Variants in GRM7 observed in about 807,000 individuals in gnomAD.
GRM7 encodes glutamate metabotropic receptor 7.
In GRM7, 35 loss-of-function variants were observed where a neutral mutation model predicts 84.5. That is an observed-to-expected ratio of 0.41 (90% CI 0.32 to 0.55). The LOEUF is 0.55. Ranked by LOEUF, GRM7 falls within the 20% of genes least tolerant of loss-of-function variation. GRM7 has a pLI of 0.19. For missense variants in GRM7, 1,003 were observed against 1,194.6 expected (o/e 0.84, Z 2.36); for synonymous variants, 487 against 455.1 (o/e 1.07, Z -0.89).
chr3:7,580,459 T>C (rs1256669292), intron 8 of GRM7, among the ~76,000 whole-genome samples: 1 of 152,180 alleles, frequency 6.6e-6, no homozygotes, highest in Non-Finnish European at 1.5e-5. Context: ...GTCTAAAAAT[T>C]TACAACAGCC....
chr3:7,636,930 A>G (rs3804857), intron 8 of GRM7, among the ~76,000 whole-genome samples: 27,009 of 152,144 alleles, frequency 0.18, 2,564 homozygotes, highest in African/African-American at 0.21. Context: ...ATAAGATGCA[A>G]TTATTTCCTC....
chr3:6,866,340 CT>C (rs530149022), intron 1 of GRM7, among the ~76,000 whole-genome samples: 453 of 144,088 alleles, frequency 3.1e-3, no homozygotes, highest in South Asian at 6.8e-3. Context: ...GCCTTATCTG[CT>C]TTTTTTTTTT....
chr3:7,647,201 G>A (rs1183280290), intron 8 of GRM7, among the ~76,000 whole-genome samples: 1 of 152,198 alleles, frequency 6.6e-6, no homozygotes, highest in East Asian at 1.9e-4. Context: ...TTTTCCTCAT[G>A]CTTCCGAGCC....
intron 5 of GRM7, among the ~76,000 whole-genome samples, chr3:7,426,406 C>T (rs897835341): frequency 9.9e-5 from 15 of 152,152 alleles, no homozygotes; most frequent in African/African-American, 3.1e-4. Flanking sequence ...TCCTGGGACT[C>T]TGATGTTCTA....
chr3:7,698,657 C>A (rs1322999720), intron 9 of GRM7, among the ~76,000 whole-genome samples: 2 of 152,144 alleles, frequency 1.3e-5, no homozygotes, highest in Non-Finnish European at 2.9e-5. Flanking sequence ...TGGGCCTGGA[C>A]AATTCTTGTT....
intron 1 of GRM7, among the ~76,000 whole-genome samples, chr3:6,977,198 A>G (rs1362406376): frequency 1.3e-5 from 2 of 152,184 alleles, no homozygotes; most frequent in Non-Finnish European, 2.9e-5. Context: ...GCCATTTGCC[A>G]CTTTAGTTGG....
At chr3:7,405,797 C>T (rs939494820) in intron 4 of GRM7, among the ~76,000 whole-genome samples, 11 of 151,904 alleles carry the variant, frequency 7.2e-5, no homozygotes, top group Admixed American at 5.3e-4. Context: ...AATTAAAAAA[C>T]GTGAATGAGC....
chr3:7,074,565 T>C (rs1045459949), intron 1 of GRM7, among the ~76,000 whole-genome samples: 2 of 135,506 alleles, frequency 1.5e-5, no homozygotes, highest in Non-Finnish European at 1.6e-5. Context: ...AATTTGATAG[T>C]ATTTTTTTCT....
At chr3:6,948,198 GT>G (rs1698164928) in intron 1 of GRM7, among the ~76,000 whole-genome samples, 2 of 151,782 alleles carry the variant, frequency 1.3e-5, no homozygotes, top group South Asian at 4.2e-4. Flanking sequence ...ATTTAGTGCT[GT>G]AAATTTCCCT....
chr3:7,590,723 GTTC>G (rs1160748630), intron 8 of GRM7, among the ~76,000 whole-genome samples: 1 of 152,074 alleles, frequency 6.6e-6, no homozygotes, highest in Non-Finnish European at 1.5e-5. Context: ...TCCATGCTGT[GTTC>G]TTCTCACCAC....
At chr3:7,220,830 G>A (rs1696776798) in intron 2 of GRM7, among the ~76,000 whole-genome samples, 1 of 152,142 alleles carries the variant, frequency 6.6e-6, no homozygotes, top group Non-Finnish European at 1.5e-5. Context: ...TTGGTACGGT[G>A]GCTCACACTT....
At chr3:7,518,864 C>G (rs550911114) in intron 7 of GRM7, among the ~76,000 whole-genome samples, 3 of 152,216 alleles carry the variant, frequency 2.0e-5, no homozygotes, top group Non-Finnish European at 4.4e-5. Context: ...TAAGATTTAG[C>G]TGGCTGTTTT....
chr3:7,400,653 C>T (rs1182642467), intron 4 of GRM7, among the ~76,000 whole-genome samples: 1 of 152,294 alleles, frequency 6.6e-6, no homozygotes, highest in East Asian at 1.9e-4. Context: ...ACAGCTCTTC[C>T]ATGGCATAAA....
At chr3:6,874,804 T>A (rs1286883071) in intron 1 of GRM7, among the ~76,000 whole-genome samples, 1 of 152,220 alleles carries the variant, frequency 6.6e-6, no homozygotes, top group Non-Finnish European at 1.5e-5. Context: ...TAGGAGGTAG[T>A]GAAGGGGACC....
intron 1 of GRM7, among the ~76,000 whole-genome samples, chr3:7,110,605 ACACACACG>A (rs1692813599): frequency 1.4e-5 from 2 of 145,212 alleles, no homozygotes; most frequent in African/African-American, 5.1e-5. Context: ...ACACACACAC[ACACACACG>A]CACACAATTA....
intron 3 of GRM7, among the ~76,000 whole-genome samples, chr3:7,301,508 T>C (rs1184266858): frequency 3.3e-5 from 5 of 152,180 alleles, no homozygotes; most frequent in Non-Finnish European, 7.4e-5. Context: ...TGTTTTTAAA[T>C]AGATTGCACA....
At chr3:7,575,583 T>G (rs921614695) in intron 7 of GRM7, among the ~76,000 whole-genome samples, 1 of 152,220 alleles carries the variant, frequency 6.6e-6, no homozygotes, top group Non-Finnish European at 1.5e-5. Flanking sequence ...ATACAAATGA[T>G]ATACATCACA....
chr3:7,420,537 C>T (rs1287752175), intron 5 of GRM7, among the ~76,000 whole-genome samples: 1 of 152,088 alleles, frequency 6.6e-6, no homozygotes, highest in Admixed American at 6.6e-5. Context: ...ATGATGATTT[C>T]ATCTCTGTGA....
chr3:7,077,748 A>T (rs1698144351), intron 1 of GRM7, among the ~76,000 whole-genome samples: 1 of 152,122 alleles, frequency 6.6e-6, no homozygotes, highest in African/African-American at 2.4e-5. Flanking sequence ...TTTATAAATA[A>T]AAAAAGAAAA....
Sources: gnomAD v4.1 joint callset for allele counts (sites outside exome capture counted in the v4.1 genomes callset) on GRCh38, gnomAD v4.1.1 for gene constraint, MANE v1.5 for transcripts, NCBI Gene and HGNC (gene_info 2026-07-23, HGNC 2026-07-21) for gene names.